The following RHOBTB3 variants were observed in gnomAD, a reference collection of about 807,000 sequenced individuals.
RHOBTB3 encodes Rho related BTB domain containing 3.
In RHOBTB3, 47 loss-of-function variants were observed where a neutral mutation model predicts 67.2. The ratio of observed to expected loss-of-function variants is 0.70; its 90% CI spans 0.55 to 0.89. The LOEUF (loss-of-function observed/expected upper bound fraction) is 0.89. Among genes scored for constraint, RHOBTB3 ranks in the 40% least tolerant of loss-of-function variants. The probability of loss-of-function intolerance (pLI) is 0.00; values close to 1 mark genes in which losing one functional copy is unlikely to be tolerated. For missense variants in RHOBTB3, 631 were observed against 750.0 expected, an observed-to-expected ratio of 0.84 and a Z score of 1.85; for synonymous variants, 273 against 274.2, an observed-to-expected ratio of 1.00 and a Z score of 0.04.
chr5:95,758,014 G>A (rs1745297701), intron 6 of RHOBTB3, among the ~76,000 whole-genome samples: 1 of 152,192 alleles, frequency 6.6e-6, no homozygotes, highest in Admixed American at 6.5e-5. Flanking sequence ...TGAGGGATGT[G>A]ACTTTTGTAT....
At chr5:95,791,414 AT>A (rs1746386049) in intron 11 of RHOBTB3, among the ~76,000 whole-genome samples, 1 of 152,112 alleles carries the variant, frequency 6.6e-6, no homozygotes, top group Non-Finnish European at 1.5e-5. Context: ...GTTCTGTGTT[AT>A]GGGGTTTTGT....
At position 95,731,460 on chromosome 5, in the gene RHOBTB3, G is replaced by C. The variant is rs535047917; in HGVS notation, c.-223G>C. ...TGTTCCCGGGCACTCCCTGAGTAGC[G>C]GCAGCTTATCCCCCGCCCGCTAGCC... On this transcript the variant is annotated 5_prime_UTR_variant, in exon 1 of 12. Transcript: ENST00000379982. 1.6e-6 allele frequency: 2 copies of C among 1,213,670 alleles called. No individual in the cohort carries two copies. The highest frequency in any genetic ancestry group is 2.0e-6 in the Non-Finnish European group (2 of 979,608). 75.2% of individuals were successfully genotyped at this position (1,213,670 alleles called of 1,614,324 possible).
chr5:95,731,584 G>T lies in RHOBTB3; in HGVS notation c.-99G>T. ...GGCGCGCGAGGGGGACGCGGCCGGG[G>T]ATGAGCGGATTGCGGGTGAACTCGC... On this transcript the variant is annotated 5_prime_UTR_variant, in exon 1 of 12. Transcript: ENST00000379982. The T allele has an allele frequency of 6.4e-7, 1 of 1,565,346 alleles. No homozygotes were observed. The highest frequency in any genetic ancestry group is 1.4e-5 in the African/African-American group (1 of 73,328).
intron 8 of RHOBTB3, among the ~76,000 whole-genome samples, chr5:95,777,874 T>G (rs1396263743): frequency 6.6e-6 from 1 of 152,182 alleles, no homozygotes; most frequent in Non-Finnish European, 1.5e-5. Flanking sequence ...GCCGGCACTT[T>G]GAGAGGCTGA....
At chr5:95,737,827 G>A (rs998961869) in intron 3 of RHOBTB3, among the ~76,000 whole-genome samples, 1 of 152,168 alleles carries the variant, frequency 6.6e-6, no homozygotes, top group African/African-American at 2.4e-5. Flanking sequence ...CATACATCAA[G>A]GTATAGAACA....
Position 95,748,421 on chromosome 5 carries a change from A to G in RHOBTB3, c.504A>G (p.Leu168=). ...TTEGIQLAKE[L]GATYLELHSL... is the part of the protein sequence containing the mutation. Reference sequence around the variant, plus strand: ...AAGGGATCCAACTTGCAAAAGAACTAGGAGCGACCTATCTTGAACTCCACA... The same window carrying G: ...AAGGGATCCAACTTGCAAAAGAACTGGGAGCGACCTATCTTGAACTCCACA... Residue 168 remains leucine, a synonymous_variant, in exon 4 of 12, where the codon CTA becomes CTG. Coordinates refer to ENST00000379982, the MANE Select transcript of RHOBTB3 (RefSeq NM_014899.4). 2.5e-6 allele frequency: 4 copies of G among 1,613,606 alleles called. No individual in the cohort carries two copies. The highest frequency in any genetic ancestry group is 3.4e-6 in the Non-Finnish European group (4 of 1,179,536).
At chr5:95,725,804 T>C (rs1755036743) in intron 1 of RHOBTB3, among the ~76,000 whole-genome samples, 1 of 150,816 alleles carries the variant, frequency 6.6e-6, no homozygotes, top group African/African-American at 2.4e-5. Context: ...AGCTTGGAAT[T>C]CTTCTTTTTT....
At chr5:95,782,702 C>T (rs1416805215) in intron 9 of RHOBTB3, 3 of 150,854 alleles carry the variant, frequency 2.0e-5, no homozygotes, top group African/African-American at 7.3e-5. Flanking sequence ...CCCAGCTCCT[C>T]AGGAGGCTGA....
chr5:95,748,961 G>A (rs1043583339), intron 4 of RHOBTB3, among the ~76,000 whole-genome samples: 1 of 152,166 alleles, frequency 6.6e-6, no homozygotes, highest in Non-Finnish European at 1.5e-5. Context: ...AGATTCAGAG[G>A]AACTACTTAT....
chr5:95,746,813 A>G (rs1744929158), intron 3 of RHOBTB3, among the ~76,000 whole-genome samples: 1 of 152,202 alleles, frequency 6.6e-6, no homozygotes, highest in Admixed American at 6.5e-5. Flanking sequence ...ATGGCTTCTG[A>G]GCTCCAAAAT....
In RHOBTB3 at chr5:95,783,820, C is replaced by A. The variant is rs1306723049; in HGVS notation, c.1480C>A (p.Leu494Ile). ...CPAGIFQAMC[L>I]LICAEMYQVS... Reference sequence around the variant, plus strand: ...AGCTGGCATATTCCAGGCCATGTGTCTCCTGATCTGTGCCGAGATGTACCA... The same window carrying A: ...AGCTGGCATATTCCAGGCCATGTGTATCCTGATCTGTGCCGAGATGTACCA... Residue 494 changes from leucine to isoleucine, a missense_variant, in exon 10 of 12, where the codon CTC (leucine) becomes ATC (isoleucine). Leu to Ile is a conservative substitution (Grantham distance 5). Coordinates refer to ENST00000379982, the MANE Select transcript of RHOBTB3 (RefSeq NM_014899.4). 1.9e-6 allele frequency: 3 copies of A among 1,612,374 alleles called. No individual in the cohort carries two copies. Among genetic ancestry groups the A allele is most frequent in the Non-Finnish European group, 2.5e-6 (3 of 1,178,908 alleles).
intron 3 of RHOBTB3, among the ~76,000 whole-genome samples, chr5:95,740,303 T>C (rs1274046741): frequency 6.6e-6 from 1 of 152,230 alleles, no homozygotes; most frequent in East Asian, 1.9e-4. Context: ...AACCACTTTA[T>C]GATATTTTCT....
upstream of RHOBTB3, among the ~76,000 whole-genome samples, chr5:95,728,445 A>T (rs538499542): frequency 1.3e-5 from 2 of 152,290 alleles, no homozygotes; most frequent in African/African-American, 4.8e-5. Context: ...ATCTATTAAG[A>T]CCTAAGACAA....
chr5:95,783,783 C>T lies in RHOBTB3; in HGVS notation c.1457-14C>T. 6.3e-7 allele frequency: 1 copy of T among 1,596,978 alleles called. No individual in the cohort carries two copies. The highest frequency in any genetic ancestry group is 8.6e-7 in the Non-Finnish European group (1 of 1,168,400). On this transcript the variant is annotated splice_polypyrimidine_tract_variant and intron_variant, in intron 9 of 11. Coordinates refer to ENST00000379982, the MANE Select transcript of RHOBTB3 (RefSeq NM_014899.4). Reference sequence around the variant, plus strand: ...TTCATCATCCACTTTCTCTCATGTCCCTTTTCTCATCAGCTGGCATATTCC... The same window carrying T: ...TTCATCATCCACTTTCTCTCATGTCTCTTTTCTCATCAGCTGGCATATTCC...
At chr5:95,765,819 A>G (rs1745528516) in intron 7 of RHOBTB3, among the ~76,000 whole-genome samples, 1 of 151,900 alleles carries the variant, frequency 6.6e-6, no homozygotes, top group Non-Finnish European at 1.5e-5. Context: ...CCGCCACCAC[A>G]CCCAGCTAAT....
At chr5:95,719,879 T>C (rs1348407396) in intron 1 of RHOBTB3, 1 of 152,250 alleles carries the variant, frequency 6.6e-6, no homozygotes, top group African/African-American at 2.4e-5. Context: ...GGTGTTGGTA[T>C]AGTTCTAATA....
upstream of RHOBTB3, chr5:95,731,134 T>C: frequency 9.8e-7 from 1 of 1,020,896 alleles, no homozygotes; most frequent in Non-Finnish European, 1.2e-6. Flanking sequence ...TAATTTATAT[T>C]CCGCGGCGCC....
rs1240242241 is a variant in RHOBTB3, at chr5:95,754,869, G to A, written c.683-527G>A. On this transcript the variant is annotated intron_variant, in intron 5 of 11. Transcript: ENST00000379982. Reference sequence around the variant, plus strand: ...CTCTGAGCCTTGACTCTGAGAAGTTGCACAATTTTAACAGCTCAGCCCTCT... The same window carrying A: ...CTCTGAGCCTTGACTCTGAGAAGTTACACAATTTTAACAGCTCAGCCCTCT... Among the ~76,000 whole-genome samples, 4 of 152,204 alleles carry A rather than the reference G, an allele frequency of 2.6e-5. No homozygotes were observed. In the East Asian group the frequency reaches 5.8e-4, roughly 22 times the overall value.
intron 8 of RHOBTB3, among the ~76,000 whole-genome samples, chr5:95,775,970 ATATT>A (rs1184047602): frequency 2.0e-5 from 3 of 152,218 alleles, no homozygotes; most frequent in Non-Finnish European, 2.9e-5. Flanking sequence ...TACACTTAAA[ATATT>A]TATGATGCAA....
Sources: gnomAD v4.1 joint callset for allele counts (sites outside exome capture counted in the v4.1 genomes callset) on GRCh38, gnomAD v4.1.1 for gene constraint, MANE v1.5 for transcripts, NCBI Gene and HGNC (gene_info 2026-07-23, HGNC 2026-07-21) for gene names.